PPP4R4: variants seen among roughly 807,000 people sequenced by gnomAD.
PPP4R4 encodes protein phosphatase 4 regulatory subunit 4, also known as serine/threonine-protein phosphatase 4 regulatory subunit 4.
In PPP4R4, 70 loss-of-function variants were observed where a neutral mutation model predicts 121.8. The ratio of observed to expected loss-of-function variants is 0.57; its 90% confidence interval spans 0.47 to 0.70. The LOEUF is 0.70. PPP4R4 is among the 30% of genes least tolerant of loss of function. PPP4R4 has a pLI of 0.00. For missense variants in PPP4R4, 875 were observed against 1,033.6 expected (o/e 0.85, Z 2.10); for synonymous variants, 348 against 355.7 (o/e 0.98, Z 0.24).
chr14:94,194,744 T>C (rs1889777075), intron 2 of PPP4R4, among the ~76,000 whole-genome samples: 2 of 152,162 alleles, frequency 1.3e-5, no homozygotes, highest in Admixed American at 1.3e-4. Flanking sequence ...GCTGGGACTA[T>C]AGGCGCAGTA....
intron 7 of PPP4R4, among the ~76,000 whole-genome samples, chr14:94,236,396 G>A (rs1220495715): frequency 6.6e-6 from 1 of 152,088 alleles, no homozygotes; most frequent in African/African-American, 2.4e-5. Context: ...AAATTTATAT[G>A]AAATAAATTT....
chr14:94,247,415 C>T (rs571515374), intron 14 of PPP4R4, among the ~76,000 whole-genome samples: 2 of 152,316 alleles, frequency 1.3e-5, no homozygotes, highest in African/African-American at 4.8e-5. Context: ...CCAGTTGTAC[C>T]ACTGCCCTGC....
intron 13 of PPP4R4, among the ~76,000 whole-genome samples, chr14:94,246,071 A>G (rs1398377711): frequency 1.4e-4 from 22 of 152,176 alleles, no homozygotes; most frequent in Admixed American, 1.4e-3. Flanking sequence ...TATGTAATAC[A>G]TTTTACTGTA....
At chr14:94,184,486 TG>T (rs937762473) in intron 2 of PPP4R4, among the ~76,000 whole-genome samples, 11 of 152,158 alleles carry the variant, frequency 7.2e-5, no homozygotes, top group Admixed American at 7.2e-4. Flanking sequence ...CTTGAACTCC[TG>T]GCCTCAAGTG....
Position 94,279,733 on chromosome 14 carries a change from G to C in PPP4R4, c.*1090G>C, listed in dbSNP as rs1400752705. ...CTCAAAATAAAACATAGGTTAATGA[G>C]ATACCTGTGTTTGTGAAAAAAAGTC... On this transcript the variant is annotated 3_prime_UTR_variant, in exon 25 of 25. Coordinates refer to ENST00000304338, the MANE Select transcript of PPP4R4 (RefSeq NM_058237.2). 6.6e-6 allele frequency: 1 copy of C among 152,568 alleles called. No individual in the cohort carries two copies. The highest frequency in any genetic ancestry group is 1.5e-5 in the Non-Finnish European group (1 of 68,014). 9.5% of individuals were successfully genotyped at this position (152,568 alleles called of 1,614,324 possible). A position where few individuals can be genotyped will look rare whatever the true frequency, so the allele number is the denominator to read the frequency against.
intron 3 of PPP4R4, among the ~76,000 whole-genome samples, chr14:94,216,204 A>G (rs1891010452): frequency 6.6e-6 from 1 of 152,246 alleles, no homozygotes; most frequent in African/African-American, 2.4e-5. Flanking sequence ...GCAAGAGAAC[A>G]TCACTCTTAT....
rs184704908 is a variant in PPP4R4 at position 94,205,889 on chromosome 14, G to A, written c.192-2575G>A. The stretch of plus-strand genomic sequence containing the variant: ...AATTTTCAAAAATTTGTTGAGGTTT[G>A]TTTTGTGGTCTGTCTTGATATATAT... On this transcript the variant is annotated intron_variant, in intron 2 of 24. Coordinates refer to ENST00000304338, the MANE Select transcript of PPP4R4 (RefSeq NM_058237.2). Among the ~76,000 whole-genome samples, 592 of 152,026 alleles carry A rather than the reference G, an allele frequency of 3.9e-3. 9 individuals are homozygous for A. Among genetic ancestry groups the A allele is most frequent in the African/African-American group, 0.013 (558 of 41,514 alleles).
chr14:94,200,657 A>G (rs1318900843), intron 2 of PPP4R4, among the ~76,000 whole-genome samples: 1 of 151,694 alleles, frequency 6.6e-6, no homozygotes, highest in African/African-American at 2.4e-5. Context: ...GATCTTTTGT[A>G]TTTCTGTGGT....
At chr14:94,188,980 G>C (rs1248070155) in intron 2 of PPP4R4, among the ~76,000 whole-genome samples, 1 of 152,034 alleles carries the variant, frequency 6.6e-6, no homozygotes, top group East Asian at 1.9e-4. Context: ...AGAATAACTA[G>C]AGGACTGATA....
chr14:94,276,604 G>A (rs977713943), intron 24 of PPP4R4, among the ~76,000 whole-genome samples: 2 of 151,404 alleles, frequency 1.3e-5, no homozygotes, highest in South Asian at 4.2e-4. Flanking sequence ...CAGATCTTGC[G>A]AGAACTCACT....
chr14:94,174,644 C>T, intron 1 of PPP4R4, 62 bp downstream of exon 1: 1 of 1,588,094 alleles, frequency 6.3e-7, no homozygotes, highest in Non-Finnish European at 8.6e-7. Flanking sequence ...CGCGGTCCCG[C>T]GCTGATCTCT....
At chr14:94,244,537 A>G (rs2139578536) in intron 11 of PPP4R4, 98 bp from the exon 12 acceptor site, 1 of 996,168 alleles carries the variant, frequency 1.0e-6, no homozygotes. Flanking sequence ...TTTATTTTAG[A>G]AGAAATATAT....
chr14:94,201,141 T>G (rs1890157594), intron 2 of PPP4R4, among the ~76,000 whole-genome samples: 1 of 152,228 alleles, frequency 6.6e-6, no homozygotes, highest in African/African-American at 2.4e-5. Context: ...TTTTGAGGGT[T>G]CCTTTTGGAG....
chr14:94,230,546 C>A (rs879724995), intron 3 of PPP4R4, 41 bp from the exon 4 acceptor site: 1 of 1,541,490 alleles, frequency 6.5e-7, no homozygotes, highest in Non-Finnish European at 8.8e-7. Context: ...AATTTGTGAT[C>A]TCTCATCTAT....
rs1378383371 is a variant in PPP4R4, at chr14:94,244,525, G to A, written c.1267-110G>A. The A allele has an allele frequency of 3.4e-6, 3 of 889,626 alleles. 1 individual carries two copies. In the East Asian group the frequency reaches 1.3e-4, roughly 37 times the overall value. 55.1% of individuals were successfully genotyped at this position (889,626 alleles called of 1,614,324 possible). A position where few individuals can be genotyped will look rare whatever the true frequency, so the allele number is the denominator to read the frequency against. ...AATTTTATATTTGTGTTATAACATG[G>A]CTTTATTTTAGAAGAAATATATAAC... On this transcript the variant is annotated intron_variant, in intron 11 of 24. Transcript: ENST00000304338.
chr14:94,179,651 T>TA lies in PPP4R4; in HGVS notation c.191+3525dup, dbSNP rs375223997. Among the ~76,000 whole-genome samples, 498 of 152,338 alleles carry TA rather than the reference T, an allele frequency of 3.3e-3. 3 individuals carry two copies. The highest frequency in any genetic ancestry group is 0.012 in the African/African-American group (480 of 41,572). On this transcript the variant is annotated intron_variant, in intron 2 of 24. Transcript: ENST00000304338. ...CATCTCTAGGATCCAGCTGTAATCT[T>TA]ACATCTTTCATAAAGTCTTCTCTAA...
chr14:94,271,234 ATCTCTC>A (rs1216250964), intron 23 of PPP4R4, among the ~76,000 whole-genome samples: 1 of 152,204 alleles, frequency 6.6e-6, no homozygotes, highest in East Asian at 1.9e-4. Context: ...ACATACCAAC[ATCTCTC>A]AAGATCACAA....
chr14:94,223,418 C>T (rs556192316), intron 3 of PPP4R4, among the ~76,000 whole-genome samples: 1 of 152,288 alleles, frequency 6.6e-6, no homozygotes, highest in East Asian at 1.9e-4. Flanking sequence ...TGAAGCTGGG[C>T]TGTCCTCCCC....
At chr14:94,200,394 A>G (rs911164046) in intron 2 of PPP4R4, among the ~76,000 whole-genome samples, 1 of 152,184 alleles carries the variant, frequency 6.6e-6, no homozygotes, top group Admixed American at 6.5e-5. Context: ...GTAATGGCCT[A>G]GTTTCAATAG....
Sources: gnomAD v4.1 joint callset for allele counts (sites outside exome capture counted in the v4.1 genomes callset) on GRCh38, gnomAD v4.1.1 for gene constraint, MANE v1.5 for transcripts, NCBI Gene and HGNC (gene_info 2026-07-23, HGNC 2026-07-21) for gene names.